Variants in ZDHHC11 observed in about 807,000 individuals in gnomAD.
The protein encoded by ZDHHC11 is zDHHC palmitoyltransferase 11.
Under a neutral mutation model 51.3 loss-of-function variants are expected in ZDHHC11, and 44 were observed. The ratio of observed to expected loss-of-function variants is 0.86; its 90% CI spans 0.67 to 1.10. ZDHHC11 has a LOEUF of 1.10. Ranked by LOEUF, ZDHHC11 falls within the 50% of genes least tolerant of loss-of-function variation. The probability of loss-of-function intolerance (pLI) is 0.00; values close to 1 mark genes in which losing one functional copy is unlikely to be tolerated. For missense variants in ZDHHC11, 400 were observed against 537.7 expected (o/e 0.74, Z 2.53); for synonymous variants, 163 against 222.0 (o/e 0.73, Z 2.36).
upstream of ZDHHC11, among the ~76,000 whole-genome samples, chr5:855,533 G>A (rs1748081114): frequency 2.0e-5 from 3 of 149,686 alleles, no homozygotes; most frequent in Admixed American, 1.3e-4. Flanking sequence ...ACAGAGGACA[G>A]CGAGCCGGCA....
At chr5:844,802 G>A (rs28595206) in intron 3 of ZDHHC11, among the ~76,000 whole-genome samples, 6 of 140,122 alleles carry the variant, frequency 4.3e-5, no homozygotes, top group South Asian at 2.2e-4. Context: ...TGCTGTAGAC[G>A]TGAGACCAAA....
intron 11 of ZDHHC11, among the ~76,000 whole-genome samples, chr5:807,513 C>A (rs1414491230): frequency 4.0e-5 from 6 of 151,328 alleles, no homozygotes; most frequent in Non-Finnish European, 8.9e-5. Context: ...GGAAGCAGGT[C>A]ACTCACAGAT....
intron 7 of ZDHHC11, among the ~76,000 whole-genome samples, chr5:832,606 C>CA (rs1743200078): frequency 1.6e-5 from 1 of 61,132 alleles, no homozygotes; most frequent in African/African-American, 6.3e-5. Context: ...AAAAAACAAA[C>CA]AAACAAAAAA....
At chr5:845,056 G>A (rs558898610) in intron 3 of ZDHHC11, among the ~76,000 whole-genome samples, 1 of 152,414 alleles carries the variant, frequency 6.6e-6, no homozygotes, top group South Asian at 2.1e-4. Flanking sequence ...GAGCATGAAT[G>A]CCGCAGTCCT....
chr5:853,470 C>G (rs1278762177), upstream of ZDHHC11, among the ~76,000 whole-genome samples: 1 of 140,228 alleles, frequency 7.1e-6, no homozygotes, highest in African/African-American at 2.7e-5. Context: ...CCACAGAGGA[C>G]AGCGAGCGAG....
rs1554050773 is a variant in ZDHHC11, at chr5:809,014, C to CACACACACACAT, written c.1181+5746_1181+5747insATGTGTGTGTGT. Among the ~76,000 whole-genome samples, 847 of 138,894 alleles carry CACACACACACAT rather than the reference C, an allele frequency of 6.1e-3. 17 individuals are homozygous for CACACACACACAT. Among genetic ancestry groups the CACACACACACAT allele is most frequent in the African/African-American group, 0.018 (687 of 37,156 alleles). The allele number at this position is 138,894 out of a possible 152,430, so 91.1% of individuals were successfully genotyped here. A position where few individuals can be genotyped will look rare whatever the true frequency, so the allele number is the denominator to read the frequency against. ...ACACACACACACACACACACACACA[C>CACACACACACAT]GCACACTATTTATTCCCCACCTGTC... On this transcript the variant is annotated intron_variant, in intron 11 of 12. Transcript: ENST00000283441.
At chr5:796,850 G>C (rs186096660) in intron 12 of ZDHHC11, among the ~76,000 whole-genome samples, 1 of 152,326 alleles carries the variant, frequency 6.6e-6, no homozygotes, top group South Asian at 2.1e-4. Flanking sequence ...ATTTTCTATT[G>C]TTCTTCTTCG....
In ZDHHC11 at chr5:848,487, G is replaced by A. The variant is rs1746604055; in HGVS notation, c.396C>T (p.Val132=). The change falls in exon 2 of 13, where the codon GTC becomes GTT. Residue 132 remains valine (V), a synonymous_variant. Transcript: ENST00000283441. ...CGGCGAGGGCGGGCACTCACACGGT[G>A]ACCTTGCACAGGTGGCAGAACTGAT... is the stretch of plus-strand genomic sequence containing the variant. ...IQNQFCHLCK[V]TVNKKTKHCI... is the part of the protein sequence containing the mutation. 8 of 1,412,174 alleles carry A rather than the reference G, an allele frequency of 5.7e-6. No individual in the cohort carries two copies. Among genetic ancestry groups the A allele is most frequent in the Non-Finnish European group, 7.6e-6 (8 of 1,051,302 alleles). 87.5% of individuals were successfully genotyped at this position (1,412,174 alleles called of 1,614,324 possible).
intron 12 of ZDHHC11, among the ~76,000 whole-genome samples, chr5:800,622 C>T (rs1738279609): frequency 6.6e-6 from 1 of 151,412 alleles, no homozygotes; most frequent in Non-Finnish European, 1.5e-5. Flanking sequence ...AACTTTCCCC[C>T]TGATTCTGGA....
chr5:852,677 CGGGGGG>C (rs1747414201), upstream of ZDHHC11, among the ~76,000 whole-genome samples: 1 of 135,778 alleles, frequency 7.4e-6, no homozygotes, highest in Non-Finnish European at 1.6e-5. Flanking sequence ...GACAGCGAGC[CGGGGGG>C]ACAGACCACA....
rs901112928 is a variant in ZDHHC11 at position 849,863 on chromosome 5, G to A, written c.222+518C>T. 144 of 158,610 alleles carry A rather than the reference G, an allele frequency of 9.1e-4. 1 individual carries two copies. Among genetic ancestry groups the A allele is most frequent in the African/African-American group, 3.3e-3 (136 of 41,712 alleles). The allele number at this position is 158,610 out of a possible 1,614,324, so 9.8% of individuals were successfully genotyped here. A position where few individuals can be genotyped will look rare whatever the true frequency, so the allele number is the denominator to read the frequency against. ...CAACCAAATAGAAGGGGTGGAGTGC[G>A]GGGCCCTCCAGTCACCCTGCCTGGC... is the stretch of plus-strand genomic sequence containing the variant. On this transcript the variant is annotated intron_variant, in intron 1 of 12. Transcript: ENST00000283441.
intron 12 of ZDHHC11, among the ~76,000 whole-genome samples, chr5:796,853 C>A (rs1239601664): frequency 2.0e-4 from 30 of 152,300 alleles, no homozygotes; most frequent in South Asian, 6.2e-4. Flanking sequence ...TTCTATTGTT[C>A]TTCTTCGGAA....
chr5:816,339 C>T lies in ZDHHC11; in HGVS notation c.1147-1544G>A, dbSNP rs552122502. On this transcript the variant is annotated intron_variant, in intron 10 of 12. Transcript: ENST00000283441. ...TATTCTCTGGAGGGAGACTCAGAGG[C>T]GGACAGATGGCGGCAGCAGCTGCAC... 6.7e-5 allele frequency: 23 copies of T among 341,104 alleles called. 1 individual carries two copies. The highest frequency in any genetic ancestry group is 2.9e-4 in the East Asian group (4 of 13,884). The allele number at this position is 341,104 out of a possible 1,614,324, so 21.1% of individuals were successfully genotyped here. A position where few individuals can be genotyped will look rare whatever the true frequency, so the allele number is the denominator to read the frequency against.
intron 11 of ZDHHC11, 150 bp downstream of exon 11, chr5:814,611 G>A (rs1740518664): frequency 2.4e-6 from 2 of 843,128 alleles, no homozygotes; most frequent in Non-Finnish European, 3.3e-6. Flanking sequence ...CCACATGAAT[G>A]GCTATAAATG....
chr5:798,527 C>G (rs1314351939), intron 12 of ZDHHC11, among the ~76,000 whole-genome samples: 1 of 149,716 alleles, frequency 6.7e-6, no homozygotes, highest in African/African-American at 2.4e-5. Context: ...TTTCTTTCCC[C>G]TCCCTTTTCC....
chr5:803,773 G>A (rs577023580), intron 11 of ZDHHC11, among the ~76,000 whole-genome samples: 1 of 150,536 alleles, frequency 6.6e-6, no homozygotes, highest in South Asian at 2.1e-4. Flanking sequence ...AATTACATAT[G>A]AGCAAATTAG....
intron 11 of ZDHHC11, among the ~76,000 whole-genome samples, chr5:803,133 T>C (rs1313383863): frequency 6.6e-6 from 1 of 151,334 alleles, no homozygotes; most frequent in Non-Finnish European, 1.5e-5. Flanking sequence ...GGCAGCAACC[T>C]ACATTCTTGG....
Position 811,558 on chromosome 5 carries a change from G to T in ZDHHC11, c.1181+3203C>A, listed in dbSNP as rs534845495. 6.2e-3 allele frequency among the ~76,000 whole-genome samples: 901 copies of T among 146,164 alleles called. 11 individuals are homozygous for T. Among genetic ancestry groups the T allele is most frequent in the African/African-American group, 0.022 (829 of 37,082 alleles). ...CCCCCAGCACGTTTCCGTGAAGGAC[G>T]GAGCTTCTGGGGCAACTCAGGAAGA... is the stretch of plus-strand genomic sequence containing the variant. On this transcript the variant is annotated intron_variant, in intron 11 of 12. Transcript: ENST00000283441.
At chr5:848,795 C>A (rs1257474097) in intron 1 of ZDHHC11, 135 bp from the exon 2 acceptor site, 17 of 1,329,590 alleles carry the variant, frequency 1.3e-5, no homozygotes, top group Non-Finnish European at 1.7e-5. Flanking sequence ...GTGAGCCCAG[C>A]TCACCCAGGC....
Sources: gnomAD v4.1 joint callset for allele counts (sites outside exome capture counted in the v4.1 genomes callset) on GRCh38, gnomAD v4.1.1 for gene constraint, MANE v1.5 for transcripts, NCBI Gene and HGNC (gene_info 2026-07-23, HGNC 2026-07-21) for gene names.